RALYL: variants seen among roughly 807,000 people sequenced by gnomAD.
RALYL encodes RALY RNA binding protein like.
In RALYL, 29 loss-of-function variants were observed where a neutral mutation model predicts 35.1. The ratio of observed to expected loss-of-function variants is 0.83; its 90% CI spans 0.61 to 1.13. RALYL has a LOEUF of 1.13. RALYL is among the 50% of genes most tolerant of loss of function. RALYL has a pLI of 0.00. For synonymous variants in RALYL, 120 were observed against 127.6 expected (o/e 0.94, Z 0.40); for missense variants, 359 against 360.4 (o/e 1.00, Z 0.03).
intron 2 of RALYL, among the ~76,000 whole-genome samples, chr8:84,554,889 T>C (rs1358817996): frequency 1.3e-5 from 2 of 152,248 alleles, no homozygotes; most frequent in Non-Finnish European, 2.9e-5. Context: ...GTGTCAGTTT[T>C]CATGTGAGTC....
intron 3 of RALYL, among the ~76,000 whole-genome samples, chr8:84,788,179 T>C (rs1819978682): frequency 6.6e-6 from 1 of 152,194 alleles, no homozygotes; most frequent in African/African-American, 2.4e-5. Flanking sequence ...TTAATCCATC[T>C]TGAGTCAGTT....
At chr8:84,731,708 A>C (rs970629135) in intron 2 of RALYL, among the ~76,000 whole-genome samples, 1 of 152,104 alleles carries the variant, frequency 6.6e-6, no homozygotes, top group African/African-American at 2.4e-5. Context: ...TGATGTTTTT[A>C]AAATCCAAAC....
In RALYL at chr8:84,712,923, C is replaced by T. The variant is rs889029570; in HGVS notation, c.257-61656C>T. On this transcript the variant is annotated intron_variant, in intron 2 of 8. Coordinates refer to ENST00000521268, the MANE Select transcript of RALYL (RefSeq NM_173848.7). ...CTTCCATTCCATGGTTGTCTCTTCA[C>T]TCTGTTGATTATTTTTCTTTGCTGT... 3.3e-5 allele frequency among the ~76,000 whole-genome samples: 5 copies of T among 152,094 alleles called. No homozygotes were observed. The South Asian group carries it at 1.0e-3, about 31-fold the overall frequency.
intron 1 of RALYL, among the ~76,000 whole-genome samples, chr8:84,253,050 T>C (rs569683764): frequency 3.3e-5 from 5 of 152,176 alleles, no homozygotes; most frequent in African/African-American, 7.2e-5. Context: ...ATTGTACTTA[T>C]GTTGACTAAA....
At chr8:84,661,095 A>G (rs1379944484) in intron 2 of RALYL, among the ~76,000 whole-genome samples, 1 of 151,544 alleles carries the variant, frequency 6.6e-6, no homozygotes, top group Non-Finnish European at 1.5e-5. Context: ...TGCCCGGCTA[A>G]TTTTTTGTAT....
intron 1 of RALYL, among the ~76,000 whole-genome samples, chr8:84,438,010 T>C (rs191766561): frequency 6.6e-6 from 1 of 152,282 alleles, no homozygotes; most frequent in Admixed American, 6.5e-5. Context: ...ATGCAATTAG[T>C]GATGTTGAAC....
chr8:84,625,250 CA>C (rs983588344), intron 2 of RALYL, among the ~76,000 whole-genome samples: 4 of 151,958 alleles, frequency 2.6e-5, no homozygotes, highest in Non-Finnish European at 5.9e-5. Context: ...ATGATGGGCA[CA>C]AATGGTTTTA....
In RALYL at chr8:84,608,866, C is replaced by T. The variant is rs796788430; in HGVS notation, c.256+79289C>T. 2.0e-5 allele frequency among the ~76,000 whole-genome samples: 3 copies of T among 152,212 alleles called. No individual in the cohort carries two copies. The South Asian group carries it at 6.2e-4, about 32-fold the overall frequency. ...CTGCAGTTGAGCAGGCACCACGTTG[C>T]GTTCTGGGATTACGATGCTGCATAA... On this transcript the variant is annotated intron_variant, in intron 2 of 8. Transcript: ENST00000521268.
At chr8:84,673,303 C>G (rs1833606415) in intron 2 of RALYL, among the ~76,000 whole-genome samples, 1 of 152,138 alleles carries the variant, frequency 6.6e-6, no homozygotes, top group African/African-American at 2.4e-5. Context: ...CAAAAATTTT[C>G]TCCCATTCTT....
At chr8:84,479,065 G>A (rs2053764867) in intron 1 of RALYL, among the ~76,000 whole-genome samples, 1 of 100,020 alleles carries the variant, frequency 1.0e-5, no homozygotes, top group Non-Finnish European at 1.8e-5. Flanking sequence ...CAGCCTAGGT[G>A]ACAGAGCAAG....
chr8:84,746,451 AAG>A (rs1808624640), intron 2 of RALYL, among the ~76,000 whole-genome samples: 1 of 151,966 alleles, frequency 6.6e-6, no homozygotes, highest in Non-Finnish European at 1.5e-5. Flanking sequence ...CTACCCTAGA[AAG>A]AGCATAGCCA....
At position 84,459,192 on chromosome 8, in the gene RALYL, A is replaced by G. The variant is rs142586000; in HGVS notation, c.-23-70107A>G. Reference sequence around the variant, plus strand: ...AACAGAGAATTGTATGTAGTATGATAAGGCAATGATTAAAGTCTACAAAAG... The same window carrying G: ...AACAGAGAATTGTATGTAGTATGATGAGGCAATGATTAAAGTCTACAAAAG... On this transcript the variant is annotated intron_variant, in intron 1 of 8. Coordinates refer to ENST00000521268, the MANE Select transcript of RALYL (RefSeq NM_173848.7). Among the ~76,000 whole-genome samples, 5 of 151,912 alleles carry G rather than the reference A, an allele frequency of 3.3e-5. No homozygotes were observed. The East Asian group carries it at 9.7e-4, about 30-fold the overall frequency.
chr8:84,480,747 G>T (rs1351000452), intron 1 of RALYL, among the ~76,000 whole-genome samples: 2 of 152,110 alleles, frequency 1.3e-5, no homozygotes, highest in Non-Finnish European at 2.9e-5. Context: ...ACTAGTGATA[G>T]CAGAGATGAC....
intron 1 of RALYL, among the ~76,000 whole-genome samples, chr8:84,218,908 C>T (rs1163420698): frequency 1.3e-5 from 2 of 152,002 alleles, no homozygotes; most frequent in African/African-American, 4.8e-5. Flanking sequence ...ATGTAGTAGC[C>T]ACAATGCCAA....
At chr8:84,746,352 AT>A (rs2133132671) in intron 2 of RALYL, among the ~76,000 whole-genome samples, 1 of 152,136 alleles carries the variant, frequency 6.6e-6, no homozygotes, top group Non-Finnish European at 1.5e-5. Flanking sequence ...TAAAACTGAA[AT>A]TTTAGTAATG....
At chr8:84,856,042 CAT>C (rs990518195) in intron 5 of RALYL, among the ~76,000 whole-genome samples, 5 of 152,186 alleles carry the variant, frequency 3.3e-5, no homozygotes, top group African/African-American at 9.7e-5. Context: ...TATTGGAAAA[CAT>C]ATTAACAAGA....
intron 4 of RALYL, among the ~76,000 whole-genome samples, chr8:84,815,847 A>T (rs1316035472): frequency 1.3e-5 from 2 of 151,954 alleles, no homozygotes; most frequent in East Asian, 3.9e-4. Flanking sequence ...CATCCTGGCC[A>T]ACATGGTGAA....
intron 1 of RALYL, among the ~76,000 whole-genome samples, chr8:84,267,911 A>G (rs184814689): frequency 2.6e-5 from 4 of 152,322 alleles, no homozygotes; most frequent in East Asian, 3.9e-4. Context: ...AACTTTGACT[A>G]TGCTAGATTC....
At chr8:84,313,614 C>T (rs2130031383) in intron 1 of RALYL, among the ~76,000 whole-genome samples, 1 of 152,268 alleles carries the variant, frequency 6.6e-6, no homozygotes, top group East Asian at 1.9e-4. Context: ...TTCAAATTTG[C>T]ATAGATCTCT....
Sources: gnomAD v4.1 joint callset for allele counts (sites outside exome capture counted in the v4.1 genomes callset) on GRCh38, gnomAD v4.1.1 for gene constraint, MANE v1.5 for transcripts, NCBI Gene and HGNC (gene_info 2026-07-23, HGNC 2026-07-21) for gene names.